Variants in MCM9 observed in about 807,000 individuals in gnomAD.
The protein encoded by MCM9 is minichromosome maintenance 9 homologous recombination repair factor.
MCM9 carries 55 observed loss-of-function variants against 72.8 expected under a neutral mutation model. That is an observed-to-expected ratio of 0.76 (90% confidence interval 0.61 to 0.95). The LOEUF is 0.95. MCM9 is among the 40% of genes least tolerant of loss of function. MCM9 has a pLI of 0.00. For missense variants in MCM9, 1,279 were observed against 1,377.0 expected (o/e 0.93, Z 1.13); for synonymous variants, 480 against 503.4 (o/e 0.95, Z 0.62).
intron 8 of MCM9, among the ~76,000 whole-genome samples, chr6:118,899,707 G>T (rs972723589): frequency 1.3e-5 from 2 of 152,116 alleles, no homozygotes; most frequent in African/African-American, 4.8e-5. Flanking sequence ...TAAGCAGTAC[G>T]TTACTATTTC....
At chr6:118,818,542 A>C (rs1773560630) in intron 13 of MCM9, among the ~76,000 whole-genome samples, 2 of 152,142 alleles carry the variant, frequency 1.3e-5, no homozygotes, top group South Asian at 4.1e-4. Flanking sequence ...CCTGCAGTAT[A>C]GTTTGAAGTC....
At position 118,931,587 on chromosome 6, in the gene MCM9, G is replaced by T; in HGVS notation, c.137C>A (p.Thr46Asn). ...GATTTCCATGTTGGTCTCAAACAGA[G>T]TCATGGCATTAACCACAACTGGGTA... Reference protein sequence around the residue: ...AHYPVVVNAMTLFETNMEIGE... With the variant: ...AHYPVVVNAMNLFETNMEIGE... Residue 46 changes from threonine to asparagine, a missense_variant, in exon 3 of 14, where the codon ACT (threonine) becomes AAT (asparagine). Transcript: ENST00000619706. 1 of 1,614,130 alleles carries T rather than the reference G, an allele frequency of 6.2e-7. No homozygotes were observed. The highest frequency in any genetic ancestry group is 1.1e-5 in the South Asian group (1 of 91,074).
rs1554257136 is a variant in MCM9 at position 118,843,684 on chromosome 6, A to ATATGTATGTGTGTG, written c.1325+12686_1325+12687insCACACACATACATA. Among the ~76,000 whole-genome samples the ATATGTATGTGTGTG allele has an allele frequency of 1.2e-3, 85 of 72,690 alleles. 1 individual carries two copies. The highest frequency in any genetic ancestry group is 4.2e-3 in the African/African-American group (84 of 19,870). 47.7% of individuals were successfully genotyped at this position (72,690 alleles called of 152,430 possible). On this transcript the variant is annotated intron_variant, in intron 9 of 13. Transcript: ENST00000619706. ...TATATATATATGTATGTATATATAT[A>ATATGTATGTGTGTG]TGTGTATATATATATATATGTATGT...
intron 8 of MCM9, among the ~76,000 whole-genome samples, chr6:118,894,960 C>G (rs1562427155): frequency 1.3e-5 from 2 of 152,140 alleles, no homozygotes; most frequent in Admixed American, 6.5e-5. Flanking sequence ...GCCATCTTAC[C>G]CCGAGTCGAG....
chr6:118,865,329 A>G (rs775183343), intron 8 of MCM9, among the ~76,000 whole-genome samples: 1 of 152,200 alleles, frequency 6.6e-6, no homozygotes, highest in Non-Finnish European at 1.5e-5. Context: ...TTTATGCCAC[A>G]TATCAAGTGC....
At chr6:118,838,355 T>C (rs1775115391) in intron 9 of MCM9, among the ~76,000 whole-genome samples, 1 of 151,256 alleles carries the variant, frequency 6.6e-6, no homozygotes, top group Non-Finnish European at 1.5e-5. Context: ...GAGACTGGGT[T>C]TCACCATGTT....
intron 3 of MCM9, among the ~76,000 whole-genome samples, chr6:118,931,172 G>A (rs1224083386): frequency 6.6e-6 from 1 of 152,082 alleles, no homozygotes; most frequent in African/African-American, 2.4e-5. Flanking sequence ...ACACAGACGT[G>A]GAAATATATA....
rs1354563080 is a variant in MCM9 at position 118,815,343 on chromosome 6, T to C, written c.2913A>G (p.Pro971=). The C allele has an allele frequency of 3.4e-5, 52 of 1,550,286 alleles. No individual in the cohort carries two copies. The highest frequency in any genetic ancestry group is 4.3e-5 in the Non-Finnish European group (49 of 1,146,716). Residue 971 remains proline (P), a synonymous_variant, in exon 14 of 14, where the codon CCA becomes CCG. Transcript: ENST00000619706. ...TTCCTGGGGTAGATGTTAACTTTCC[T>C]GGACGCTTCACCGGCAAGGCTGCGT... ...RRDAALPVKR[P]GKLTSTPGNQ... is the part of the protein sequence containing the mutation.
At position 118,818,475 on chromosome 6, in the gene MCM9, T is replaced by C. The variant is rs1028960730; in HGVS notation, c.1962-2181A>G. On this transcript the variant is annotated intron_variant, in intron 13 of 13. Coordinates refer to ENST00000619706, the MANE Select transcript of MCM9 (RefSeq NM_017696.3). ...GTTATTTCTGAGGCCTCTGTTCTGT[T>C]TCATTGGTCTATATATCTGTTTTGG... 5.3e-5 allele frequency among the ~76,000 whole-genome samples: 8 copies of C among 152,302 alleles called. No individual in the cohort carries two copies. In the East Asian group the frequency reaches 1.2e-3, roughly 22 times the overall value.
intron 3 of MCM9, 108 bp downstream of exon 3, chr6:118,931,312 T>C (rs1235064422): frequency 1.8e-5 from 16 of 904,616 alleles, no homozygotes; most frequent in East Asian, 2.7e-5. Context: ...ACAACAGATA[T>C]ATATTTTAAG....
chr6:118,906,790 T>C (rs1284179251), intron 8 of MCM9, among the ~76,000 whole-genome samples: 1 of 152,186 alleles, frequency 6.6e-6, no homozygotes, highest in Non-Finnish European at 1.5e-5. Flanking sequence ...GCAGAGTAAA[T>C]GAAGTTGAAC....
chr6:118,859,748 A>G (rs912865039), intron 8 of MCM9, among the ~76,000 whole-genome samples: 2 of 152,200 alleles, frequency 1.3e-5, no homozygotes, highest in East Asian at 1.9e-4. Flanking sequence ...AGAGAGGGAA[A>G]AGGAACCATT....
intron 8 of MCM9, chr6:118,905,509 G>C (rs1378526592): frequency 8.3e-6 from 5 of 600,916 alleles, no homozygotes; most frequent in Non-Finnish European, 1.4e-5. Flanking sequence ...AGTCAGAAAT[G>C]AGCATTTTCC....
rs1047570524 is a variant in MCM9 at position 118,815,561 on chromosome 6, G to A, written c.2695C>T (p.Leu899Phe). The change falls in exon 14 of 14, where the codon CTT becomes TTT. Residue 899 changes from leucine (L) to phenylalanine (F), a missense_variant. By Grantham distance (22) the Leu-to-Phe change is conservative (BLOSUM62 0). Transcript: ENST00000619706. ...DSPKRKRPKSLAQVEEPAIEN... is the reference protein window; with the variant it reads ...DSPKRKRPKSFAQVEEPAIEN... ...ATTGCAGGCTCTTCCACTTGCGCAA[G>A]GGATTTCGGTCTCTTTCTTTTGGGT... 1 of 1,550,134 alleles carries A rather than the reference G, an allele frequency of 6.5e-7. No homozygotes were observed. Among genetic ancestry groups the A allele is most frequent in the African/African-American group, 1.4e-5 (1 of 73,014 alleles).
At chr6:118,876,101 A>G (rs1777915325) in intron 8 of MCM9, among the ~76,000 whole-genome samples, 1 of 152,232 alleles carries the variant, frequency 6.6e-6, no homozygotes, top group Non-Finnish European at 1.5e-5. Context: ...TTAATAGCAT[A>G]TGTTAGTAAG....
intron 8 of MCM9, among the ~76,000 whole-genome samples, chr6:118,861,343 G>A (rs965393580): frequency 3.3e-5 from 5 of 152,170 alleles, no homozygotes; most frequent in Admixed American, 2.0e-4. Flanking sequence ...CAGCTAAAAG[G>A]GCTGCAGCTC....
intron 3 of MCM9, 129 bp downstream of exon 3, chr6:118,931,291 C>A (rs959209320): frequency 5.1e-6 from 4 of 781,004 alleles, no homozygotes; most frequent in Non-Finnish European, 7.9e-6. Context: ...AAAGAAGTGA[C>A]CATCAACTAC....
At chr6:118,894,319 G>C in intron 8 of MCM9, 1 of 1,511,116 alleles carries the variant, frequency 6.6e-7, no homozygotes, top group Non-Finnish European at 8.8e-7. Context: ...GGCCGGCGCT[G>C]GAGCGGGGGT....
At chr6:118,921,840 C>T (rs1781456494) in intron 5 of MCM9, 165 bp downstream of exon 5, 1 of 563,426 alleles carries the variant, frequency 1.8e-6, no homozygotes, top group Non-Finnish European at 3.2e-6. Context: ...TAGCCCAGCT[C>T]TCTTCCTGCT....
Sources: gnomAD v4.1 joint callset for allele counts (sites outside exome capture counted in the v4.1 genomes callset) on GRCh38, gnomAD v4.1.1 for gene constraint, MANE v1.5 for transcripts, NCBI Gene and HGNC (gene_info 2026-07-23, HGNC 2026-07-21) for gene names.